The following NIBAN1 variants were observed in gnomAD, a reference collection of about 807,000 sequenced individuals.
The protein encoded by NIBAN1 is protein Niban 1.
Under a neutral mutation model 75.1 loss-of-function variants are expected in NIBAN1, and 81 were observed. That is an observed-to-expected ratio of 1.08 (90% CI 0.90 to 1.30). The LOEUF (loss-of-function observed/expected upper bound fraction) is 1.30. NIBAN1 is among the 50% of genes most tolerant of loss of function. NIBAN1 has a pLI of 0.00. For missense variants in NIBAN1, 1,133 were observed against 1,128.1 expected (o/e 1.00, Z -0.06); for synonymous variants, 436 against 424.8 (o/e 1.03, Z -0.32).
At chr1:184,888,363 C>T (rs1656584758) in intron 4 of NIBAN1, among the ~76,000 whole-genome samples, 1 of 152,108 alleles carries the variant, frequency 6.6e-6, no homozygotes, top group South Asian at 2.1e-4. Flanking sequence ...TCCTCCTTGC[C>T]CTCTCCAAGA....
At chr1:184,917,133 AG>A (rs1176117257) in intron 1 of NIBAN1, among the ~76,000 whole-genome samples, 3 of 151,784 alleles carry the variant, frequency 2.0e-5, no homozygotes, top group African/African-American at 7.3e-5. Flanking sequence ...CAGACAAATG[AG>A]CCCCAGCCTG....
chr1:184,920,998 A>T (rs1291228425), intron 1 of NIBAN1, among the ~76,000 whole-genome samples: 2 of 151,960 alleles, frequency 1.3e-5, no homozygotes, highest in South Asian at 4.2e-4. Flanking sequence ...GTGTGGTGGC[A>T]GGCGCCTGTA....
At chr1:184,944,774 C>T (rs907649595) in intron 1 of NIBAN1, among the ~76,000 whole-genome samples, 2 of 152,202 alleles carry the variant, frequency 1.3e-5, no homozygotes, top group African/African-American at 4.8e-5. Flanking sequence ...CAAAGTAATA[C>T]TCTCAAGGGT....
rs771597801 is a variant in NIBAN1, at chr1:184,823,613, G to A, written c.822+25C>T. Reference sequence around the variant, plus strand: ...GAATGTTCCCATTTTGAGTAGCTCAGTTGTAGAGCAAAACCATTGCTTACA... The same window carrying A: ...GAATGTTCCCATTTTGAGTAGCTCAATTGTAGAGCAAAACCATTGCTTACA... On this transcript the variant is annotated intron_variant, in intron 7 of 13. Transcript: ENST00000367511. 5 of 1,608,056 alleles carry A rather than the reference G, an allele frequency of 3.1e-6. 1 individual carries two copies. In the South Asian group the frequency reaches 3.3e-5, roughly 11 times the overall value.
intron 1 of NIBAN1, among the ~76,000 whole-genome samples, chr1:184,902,395 T>C (rs1349209710): frequency 6.6e-6 from 1 of 152,122 alleles, no homozygotes; most frequent in Non-Finnish European, 1.5e-5. Context: ...AGCAGCCTCA[T>C]AAGGTTATTC....
intron 12 of NIBAN1, among the ~76,000 whole-genome samples, chr1:184,800,271 T>C (rs962308244): frequency 2.7e-5 from 4 of 149,812 alleles, no homozygotes; most frequent in Non-Finnish European, 6.0e-5. Context: ...ATTAGCCCTT[T>C]GTCAGATGAG....
intron 4 of NIBAN1, chr1:184,887,749 A>C (rs770879198): frequency 6.6e-6 from 1 of 152,234 alleles, no homozygotes; most frequent in Non-Finnish European, 1.5e-5. Context: ...TGAGATAATA[A>C]AACTTTGAGT....
intron 5 of NIBAN1, among the ~76,000 whole-genome samples, chr1:184,873,773 T>A (rs1417614587): frequency 1.3e-5 from 2 of 152,224 alleles, no homozygotes; most frequent in Non-Finnish European, 2.9e-5. Context: ...TTTTGCCATG[T>A]AAATAATGAC....
chr1:184,933,959 T>C (rs972189721), intron 1 of NIBAN1, among the ~76,000 whole-genome samples: 2 of 152,142 alleles, frequency 1.3e-5, no homozygotes, highest in African/African-American at 4.8e-5. Context: ...AGCAGGAACA[T>C]ACCGAACCTT....
At chr1:184,905,417 A>C (rs1657066760) in intron 1 of NIBAN1, among the ~76,000 whole-genome samples, 1 of 151,960 alleles carries the variant, frequency 6.6e-6, no homozygotes, top group Admixed American at 6.6e-5. Flanking sequence ...AGATCATATC[A>C]CTATCTTTGT....
intron 5 of NIBAN1, among the ~76,000 whole-genome samples, chr1:184,863,711 G>C (rs926327263): frequency 4.6e-5 from 7 of 152,122 alleles, no homozygotes; most frequent in African/African-American, 1.7e-4. Flanking sequence ...CATATGACCT[G>C]GTTGCCAGAC....
chr1:184,807,222 G>C (rs1571476676), intron 10 of NIBAN1, among the ~76,000 whole-genome samples: 2 of 151,892 alleles, frequency 1.3e-5, no homozygotes, highest in African/African-American at 4.8e-5. Context: ...GTGTCCTTTA[G>C]AGCTTTGGTG....
chr1:184,823,561 A>G, intron 7 of NIBAN1, 77 bp downstream of exon 7: 1 of 1,505,718 alleles, frequency 6.6e-7, no homozygotes, highest in Non-Finnish European at 9.2e-7. Flanking sequence ...AACAACAACA[A>G]CAAATGCCCT....
intron 1 of NIBAN1, among the ~76,000 whole-genome samples, chr1:184,938,113 C>T (rs1658006798): frequency 6.6e-6 from 1 of 152,136 alleles, no homozygotes; most frequent in Non-Finnish European, 1.5e-5. Flanking sequence ...CTGATGGATA[C>T]CTACTACTGG....
intron 1 of NIBAN1, among the ~76,000 whole-genome samples, chr1:184,942,739 G>A (rs1445082198): frequency 6.7e-6 from 1 of 149,744 alleles, no homozygotes; most frequent in South Asian, 2.1e-4. Flanking sequence ...CCTGGACGCT[G>A]CCTGCTGATG....
At chr1:184,832,765 A>C (rs1210784953) in intron 5 of NIBAN1, among the ~76,000 whole-genome samples, 2 of 152,188 alleles carry the variant, frequency 1.3e-5, no homozygotes, top group Admixed American at 6.5e-5. Flanking sequence ...TCCTACCACA[A>C]GGAATGAATA....
intron 1 of NIBAN1, among the ~76,000 whole-genome samples, chr1:184,948,069 A>G (rs1658274346): frequency 2.6e-5 from 4 of 152,184 alleles, no homozygotes; most frequent in Admixed American, 2.6e-4. Context: ...CTCTCAAATT[A>G]TTTATTCAAC....
chr1:184,874,360 C>T (rs1279226527), intron 5 of NIBAN1, among the ~76,000 whole-genome samples: 1 of 151,738 alleles, frequency 6.6e-6, no homozygotes, highest in African/African-American at 2.4e-5. Context: ...GCTCATTTAA[C>T]GATGATGATA....
intron 5 of NIBAN1, among the ~76,000 whole-genome samples, chr1:184,859,744 G>A (rs564906441): frequency 7.1e-4 from 108 of 152,164 alleles, no homozygotes; most frequent in Admixed American, 7.1e-3. Flanking sequence ...TGCCTTGCTG[G>A]TTCGCTCTGC....
Sources: gnomAD v4.1 joint callset for allele counts (sites outside exome capture counted in the v4.1 genomes callset) on GRCh38, gnomAD v4.1.1 for gene constraint, MANE v1.5 for transcripts, NCBI Gene and HGNC (gene_info 2026-07-23, HGNC 2026-07-21) for gene names.